MINDY4: variants seen among roughly 807,000 people sequenced by gnomAD.
MINDY4 encodes the protein MINDY lysine 48 deubiquitinase 4, also known as probable ubiquitin carboxyl-terminal hydrolase MINDY-4.
In MINDY4, 68 loss-of-function variants were observed where a neutral mutation model predicts 87.0. The observed-to-expected ratio is 0.78, with a 90% CI of 0.64 to 0.96. The LOEUF (loss-of-function observed/expected upper bound fraction) is 0.96. Among genes scored for constraint, MINDY4 ranks in the 40% least tolerant of loss-of-function variants. MINDY4 has a pLI of 0.00. For missense variants in MINDY4, 919 were observed against 928.2 expected (o/e 0.99, Z 0.13); for synonymous variants, 379 against 363.2 (o/e 1.04, Z -0.50).
chr7:30,810,037 A>G (rs889742348), intron 5 of MINDY4, among the ~76,000 whole-genome samples: 17 of 151,812 alleles, frequency 1.1e-4, no homozygotes, highest in African/African-American at 4.1e-4. Context: ...TTAGCCAGTC[A>G]TGGTGGTGCC....
At position 30,810,216 on chromosome 7, in the gene MINDY4, CAG is replaced by C. The variant is rs1294054041; in HGVS notation, c.1074-18461_1074-18460del. ...AAAAAAAGAAATGTTTATAATAAGT[CAG>C]AAAGTTGAGGCATGTCGAAGAGTTG... On this transcript the variant is annotated intron_variant, in intron 5 of 17. Transcript: ENST00000265299. 1.1e-4 allele frequency among the ~76,000 whole-genome samples: 15 copies of C among 130,684 alleles called. No individual in the cohort carries two copies. In the East Asian group the frequency reaches 2.3e-3, roughly 20 times the overall value. The allele number at this position is 130,684 out of a possible 152,430, so 85.7% of individuals were successfully genotyped here.
At chr7:30,802,926 CACCCACCCAACCAACCA>C (rs1028018003) in intron 5 of MINDY4, 3 of 151,416 alleles carry the variant, frequency 2.0e-5, no homozygotes, top group South Asian at 4.2e-4. Flanking sequence ...CCAATCATCT[CACCCACCCAACCAACCA>C]ACCCACCCAA....
intron 5 of MINDY4, among the ~76,000 whole-genome samples, chr7:30,804,227 G>A (rs1273076795): frequency 6.6e-6 from 1 of 152,212 alleles, no homozygotes. Context: ...GATTCCATGT[G>A]TGTGCCTCAT....
chr7:30,780,547 C>T (rs1353582687), intron 2 of MINDY4: 1 of 152,120 alleles, frequency 6.6e-6, no homozygotes, highest in African/African-American at 2.4e-5. Flanking sequence ...GTATATTTTA[C>T]AGGAAAATTA....
intron 3 of MINDY4, 115 bp from the exon 4 acceptor site, chr7:30,785,631 GTCA>G: frequency 8.0e-7 from 1 of 1,242,764 alleles, no homozygotes; most frequent in Non-Finnish European, 1.1e-6. Context: ...CTGGTTAGAA[GTCA>G]TCATAGATTT....
intron 13 of MINDY4, among the ~76,000 whole-genome samples, chr7:30,867,314 T>C (rs1260202409): frequency 6.6e-6 from 1 of 152,266 alleles, no homozygotes; most frequent in African/African-American, 2.4e-5. Flanking sequence ...GGCCGTGATA[T>C]GAGTGGTTGA....
intron 9 of MINDY4, among the ~76,000 whole-genome samples, chr7:30,848,985 C>T (rs1789314630): frequency 6.6e-6 from 1 of 152,216 alleles, no homozygotes; most frequent in South Asian, 2.1e-4. Flanking sequence ...CAAACATCTC[C>T]TTTAAAGCCA....
At chr7:30,826,578 C>T (rs935365893) in intron 5 of MINDY4, among the ~76,000 whole-genome samples, 1 of 152,146 alleles carries the variant, frequency 6.6e-6, no homozygotes, top group Non-Finnish European at 1.5e-5. Flanking sequence ...CGAGGCTGGG[C>T]AGTAGGTGGC....
intron 1 of MINDY4, 118 bp from the exon 2 acceptor site, chr7:30,778,314 G>A (rs1331094083): frequency 3.9e-6 from 5 of 1,288,944 alleles, no homozygotes; most frequent in South Asian, 1.3e-5. Context: ...GTGATGTCAA[G>A]TGTAAAGGTT....
intron 12 of MINDY4, 99 bp downstream of exon 12, chr7:30,853,558 C>A: frequency 9.1e-7 from 1 of 1,097,346 alleles, no homozygotes; most frequent in Non-Finnish European, 1.4e-6. Flanking sequence ...TCCTGTCGTC[C>A]CACCCTGGGA....
intron 13 of MINDY4, among the ~76,000 whole-genome samples, chr7:30,866,230 C>A (rs921192072): frequency 2.6e-5 from 4 of 152,226 alleles, no homozygotes; most frequent in African/African-American, 7.2e-5. Flanking sequence ...CTGCCCCTAT[C>A]CACTCACCCA....
intron 4 of MINDY4, among the ~76,000 whole-genome samples, chr7:30,789,418 C>G (rs898723523): frequency 6.6e-6 from 1 of 152,156 alleles, no homozygotes; most frequent in African/African-American, 2.4e-5. Context: ...GACATTGTGG[C>G]CTTTGAGTAC....
intron 5 of MINDY4, among the ~76,000 whole-genome samples, chr7:30,798,616 C>A (rs1256010356): frequency 6.6e-6 from 1 of 152,162 alleles, no homozygotes; most frequent in Non-Finnish European, 1.5e-5. Context: ...CCTGCCTCAG[C>A]CTCCCGAGTA....
At chr7:30,777,170 C>G (rs527752787) in intron 1 of MINDY4, among the ~76,000 whole-genome samples, 1 of 152,224 alleles carries the variant, frequency 6.6e-6, no homozygotes, top group Non-Finnish European at 1.5e-5. Flanking sequence ...GCACCATGCC[C>G]AGGCCCCCGG....
Position 30,887,241 on chromosome 7 carries a change from G to A in MINDY4, c.2225+4248G>A, listed in dbSNP as rs541571321. Among the ~76,000 whole-genome samples the A allele has an allele frequency of 6.6e-5, 10 of 152,158 alleles. No homozygotes were observed. In the East Asian group the frequency reaches 1.6e-3, roughly 24 times the overall value. On this transcript the variant is annotated intron_variant, in intron 17 of 17. Transcript: ENST00000265299. The stretch of plus-strand genomic sequence containing the variant: ...CCCATCGGAGGAGCATTCTCTGGGC[G>A]CTGTCACTCCCCACTGTCCATGCCA...
At chr7:30,891,017 G>GA (rs1226011979) in intron 17 of MINDY4, among the ~76,000 whole-genome samples, 2 of 152,104 alleles carry the variant, frequency 1.3e-5, no homozygotes, top group African/African-American at 2.4e-5. Context: ...ATTTTCTTCA[G>GA]AATTGAAGAA....
intron 16 of MINDY4, 41 bp from the exon 17 acceptor site, chr7:30,882,880 G>T (rs755944085): frequency 5.6e-6 from 9 of 1,596,338 alleles, no homozygotes; most frequent in Non-Finnish European, 7.7e-6. Context: ...GTGAGTGCAG[G>T]GCCCTGGGTG....
chr7:30,848,967 G>A (rs62449084), intron 9 of MINDY4, among the ~76,000 whole-genome samples: 22,143 of 152,174 alleles, frequency 0.15, 1,749 homozygotes, highest in Middle Eastern at 0.26. Context: ...ACTGGTCCAG[G>A]GACCTTACAA....
intron 5 of MINDY4, among the ~76,000 whole-genome samples, chr7:30,806,762 G>A (rs1787818780): frequency 6.6e-6 from 1 of 152,248 alleles, no homozygotes; most frequent in Non-Finnish European, 1.5e-5. Flanking sequence ...GGGAAGGTGG[G>A]TCTGTTTGAA....
Sources: gnomAD v4.1 joint callset for allele counts (sites outside exome capture counted in the v4.1 genomes callset) on GRCh38, gnomAD v4.1.1 for gene constraint, MANE v1.5 for transcripts, NCBI Gene and HGNC (gene_info 2026-07-23, HGNC 2026-07-21) for gene names.